STRC: variants seen among roughly 807,000 people sequenced by gnomAD.
STRC encodes the protein stereocilin.
A neutral mutation model predicts 103.5 loss-of-function variants in STRC; 43 were observed. The ratio of observed to expected loss-of-function variants is 0.42; its 90% CI spans 0.33 to 0.54. The LOEUF is 0.54. STRC is among the 20% of genes least tolerant of loss of function. The pLI, the probability that STRC is intolerant of heterozygous loss-of-function variation, is 0.14. For missense variants in STRC, 499 were observed against 1,088.5 expected (o/e 0.46, Z 7.62); for synonymous variants, 186 against 442.3 (o/e 0.42, Z 7.27).
chr15:43,600,560 A>T lies in STRC; in HGVS notation c.4967T>A (p.Ile1656Asn). ...FGPISNWGPE[I>N]FTEIGTIAAG... ...TGCTATGGTGCCAATTTCAGTGAAG[A>T]TCTCAGGCCCCCAGTTACTGATTGG... The change falls in exon 26 of 29, where the codon ATC becomes AAC. Residue 1656 changes from isoleucine to asparagine, a missense_variant. Transcript: ENST00000450892. 6.2e-7 allele frequency: 1 copy of T among 1,613,466 alleles called. No homozygotes were observed. Among genetic ancestry groups the T allele is most frequent in the South Asian group, 1.1e-5 (1 of 91,038 alleles).
chr15:43,605,393 C>G lies in STRC; in HGVS notation c.3801G>C (p.Gln1267His). Residue 1267 changes from glutamine (Q) to histidine (H), a missense_variant, in exon 19 of 29, where the codon CAG (glutamine) becomes CAC (histidine). Gln to His is a conservative substitution (Grantham distance 24). Coordinates refer to ENST00000450892, the MANE Select transcript of STRC (RefSeq NM_153700.2). ...DSKLLLDLPI[Q>H]LMDRLSNESI... The stretch of plus-strand genomic sequence containing the variant: ...ATTCATTGGATAGTCTGTCCATCAA[C>G]TGGATCCTATTACAGCAATTTGACA... The G allele has an allele frequency of 6.2e-7, 1 of 1,602,158 alleles. No individual in the cohort carries two copies. Among genetic ancestry groups the G allele is most frequent in the Non-Finnish European group, 8.5e-7 (1 of 1,173,292 alleles).
Position 43,601,115 on chromosome 15 carries a change from A to G in STRC, c.4702-101T>C, listed in dbSNP as rs539385664. 61 of 940,136 alleles carry G rather than the reference A, an allele frequency of 6.5e-5. 1 individual carries two copies. The African/African-American group carries it at 1.0e-3, about 15-fold the overall frequency. 58.2% of individuals were successfully genotyped at this position (940,136 alleles called of 1,614,324 possible). A position where few individuals can be genotyped will look rare whatever the true frequency, so the allele number is the denominator to read the frequency against. ...ACTGGGTTATATTCTGTTACTATTAAGACCTAAGGAGTCATGGGGAAGGCT... is the reference window on the plus strand; with the variant it reads ...ACTGGGTTATATTCTGTTACTATTAGGACCTAAGGAGTCATGGGGAAGGCT... On this transcript the variant is annotated intron_variant, in intron 24 of 28. Transcript: ENST00000450892.
In STRC at chr15:43,605,411, A is replaced by G. The variant is rs371465565; in HGVS notation, c.3795-12T>C. ...CCATCAACTGGATCCTATTACAGCA[A>G]TTTGACAACAACAGGATTCAGGTGG... On this transcript the variant is annotated splice_polypyrimidine_tract_variant and intron_variant, in intron 18 of 28. Transcript: ENST00000450892. 5 of 1,597,822 alleles carry G rather than the reference A, an allele frequency of 3.1e-6. No homozygotes were observed. The African/African-American group carries it at 6.7e-5, about 21-fold the overall frequency.
chr15:43,613,538 G>T (rs1407690487), intron 7 of STRC, among the ~76,000 whole-genome samples: 1 of 150,206 alleles, frequency 6.7e-6, no homozygotes, highest in Admixed American at 6.6e-5. Context: ...TAGAGACGGG[G>T]TTTCACCATA....
At chr15:43,601,743 A>C (rs1282791125) in intron 23 of STRC, 192 bp from the exon 24 acceptor site, 1 of 611,670 alleles carries the variant, frequency 1.6e-6, no homozygotes, top group Non-Finnish European at 2.9e-6. Flanking sequence ...AGACATTACA[A>C]TCAGTGGAAA....
intron 20 of STRC, 23 bp from the exon 21 acceptor site, chr15:43,604,474 G>A (rs753588599): frequency 1.3e-6 from 2 of 1,558,366 alleles, no homozygotes; most frequent in South Asian, 2.3e-5. Flanking sequence ...AGAAAATCGG[G>A]GGCTGGGGAG....
intron 23 of STRC, among the ~76,000 whole-genome samples, chr15:43,602,121 CAAAAAA>C (rs35561492): frequency 2.6e-5 from 1 of 38,270 alleles, no homozygotes; most frequent in East Asian, 9.1e-4. Context: ...GACTCTGTCT[CAAAAAA>C]AAAAAAAAAA....
chr15:43,609,322 A>G lies in STRC; in HGVS notation c.3511T>C (p.Trp1171Arg). 6.2e-7 allele frequency: 1 copy of G among 1,609,416 alleles called. No homozygotes were observed. Among genetic ancestry groups the G allele is most frequent in the Non-Finnish European group, 8.5e-7 (1 of 1,179,116 alleles). The change falls in exon 16 of 29, where the codon TGG (tryptophan) becomes CGG (arginine). Residue 1171 changes from tryptophan (W) to arginine (R), a missense_variant. Trp to Arg is a moderately radical substitution (Grantham distance 101). Coordinates refer to ENST00000450892, the MANE Select transcript of STRC (RefSeq NM_153700.2). Reference protein sequence around the residue: ...PWSEQQAQFLWKKMQVPTNLT... With the variant: ...PWSEQQAQFLRKKMQVPTNLT... The stretch of plus-strand genomic sequence containing the variant: ...TTGGTGGGTACTTGCATCTTCTTCC[A>G]GAGAAACTGTGCCTACAAGAGAAAG...
At chr15:43,604,619 G>C in intron 20 of STRC, 31 bp downstream of exon 20, 1 of 1,613,390 alleles carries the variant, frequency 6.2e-7, no homozygotes, top group South Asian at 1.1e-5. Context: ...TATAGAATGA[G>C]TTAGAATCTG....
intron 19 of STRC, 128 bp downstream of exon 19, chr15:43,605,136 G>A: frequency 6.5e-7 from 1 of 1,541,684 alleles, no homozygotes; most frequent in Non-Finnish European, 8.8e-7. Flanking sequence ...GCCAGGCCTT[G>A]TAGACAGGAA....
chr15:43,603,526 A>G (rs2085689353), intron 22 of STRC, 115 bp from the exon 23 acceptor site: 1 of 1,123,880 alleles, frequency 8.9e-7, no homozygotes, highest in Admixed American at 1.7e-5. Flanking sequence ...TGTGAGAAAT[A>G]GGGATCAAAG....
rs2085746405 is a variant in STRC at position 43,611,230 on chromosome 15, A to G, written c.3224T>C (p.Leu1075Pro). The change falls in exon 13 of 29, where the codon CTG becomes CCG. Residue 1075 changes from leucine to proline, a missense_variant. Transcript: ENST00000450892. ...GGCCAGGCAGGAACAAGCCCCGACC[A>G]GGACTCGCCTAGGGATGGCCTGGAG... is the stretch of plus-strand genomic sequence containing the variant. ...QTLQAIPRRVLVGACSCLAPE... is the reference protein window; with the variant it reads ...QTLQAIPRRVPVGACSCLAPE... The G allele has an allele frequency of 1.1e-6, 1 of 898,554 alleles. No individual in the cohort carries two copies. The highest frequency in any genetic ancestry group is 1.7e-6 in the Non-Finnish European group (1 of 584,316). 55.7% of individuals were successfully genotyped at this position (898,554 alleles called of 1,614,324 possible).
Position 43,600,937 on chromosome 15 carries a change from C to T in STRC, c.4779G>A (p.Ala1593=), listed in dbSNP as rs1261624346. 1.9e-6 allele frequency: 3 copies of T among 1,609,770 alleles called. No homozygotes were observed. The highest frequency in any genetic ancestry group is 2.2e-5 in the East Asian group (1 of 44,720). Residue 1593 remains alanine (A), a synonymous_variant, in exon 25 of 29, where the codon GCG becomes GCA. Coordinates refer to ENST00000450892, the MANE Select transcript of STRC (RefSeq NM_153700.2). ...GCAGTCCACAGAGAGTATAACCCAGCGCTGTCAGATGAACGAAGTCCAGGT... is the reference window on the plus strand; with the variant it reads ...GCAGTCCACAGAGAGTATAACCCAGTGCTGTCAGATGAACGAAGTCCAGGT... ...VSHLDFVHLT[A]LGYTLCGLRP...
intron 26 of STRC, 75 bp downstream of exon 26, chr15:43,600,459 G>A: frequency 6.3e-7 from 1 of 1,598,494 alleles, no homozygotes; most frequent in Non-Finnish European, 8.6e-7. Flanking sequence ...AAGAATTGCA[G>A]GGCAGTCTTC....
chr15:43,602,184 T>G (rs1207997019), intron 23 of STRC, among the ~76,000 whole-genome samples: 1 of 150,536 alleles, frequency 6.6e-6, no homozygotes, highest in Non-Finnish European at 1.5e-5. Context: ...CCCAGAGGCT[T>G]ATTTTTTAAT....
rs867795318 is a variant in STRC at position 43,600,778 on chromosome 15, C to G, written c.4844+94G>C. 1.0e-4 allele frequency: 162 copies of G among 1,613,054 alleles called. 3 individuals are homozygous for G. In the South Asian group the frequency reaches 1.6e-3, roughly 16 times the overall value. ...GAAGAGATGGCTTCAAATGAGTTCC[C>G]TTCCTCCATGGGACCAGACCTTCAT... On this transcript the variant is annotated intron_variant, in intron 25 of 28. Transcript: ENST00000450892.
At chr15:43,608,003 C>A in intron 17 of STRC, 28 bp from the exon 18 acceptor site, 2 of 1,611,054 alleles carry the variant, frequency 1.2e-6, no homozygotes, top group Non-Finnish European at 1.7e-6. Context: ...GAGGCCAGAG[C>A]AGAACATAGG....
Position 43,604,017 on chromosome 15 carries a change from G to T in STRC, c.4354C>A (p.Pro1452Thr). ...TCACCTGGAAGATCCTCAGCAGCTG[G>T]TCGCACCACCCCTGCTACCAGGGCT... ...KAALVAGVVR[P>T]AAEDLPEPVP... Residue 1452 changes from proline to threonine, a missense_variant, in exon 22 of 29, where the codon CCA (proline) becomes ACA (threonine). Physicochemically the swap from Pro to Thr is conservative, Grantham distance 38. Coordinates refer to ENST00000450892, the MANE Select transcript of STRC (RefSeq NM_153700.2). 1 of 1,613,154 alleles carries T rather than the reference G, an allele frequency of 6.2e-7. No homozygotes were observed. The highest frequency in any genetic ancestry group is 2.2e-5 in the East Asian group (1 of 44,860).
chr15:43,601,322 G>A, intron 24 of STRC, 74 bp downstream of exon 24: 1 of 1,602,556 alleles, frequency 6.2e-7, no homozygotes, highest in East Asian at 2.2e-5. Flanking sequence ...AATTCCTTGG[G>A]CTTTAGATGA....
Sources: allele counts gnomAD v4.1 joint callset (sites outside exome capture counted in the v4.1 genomes callset), GRCh38; gene constraint gnomAD v4.1.1; transcripts MANE v1.5; gene names NCBI Gene and HGNC (gene_info 2026-07-23, HGNC 2026-07-21).